Variants in FIGLA observed in about 807,000 individuals in gnomAD.
FIGLA encodes the protein factor in the germline alpha.
FIGLA carries 17 observed loss-of-function variants against 21.5 expected under a neutral mutation model. That is an observed-to-expected ratio of 0.79 (90% confidence interval 0.54 to 1.19). FIGLA has a LOEUF of 1.19. Ranked by LOEUF, FIGLA falls within the 50% of genes most tolerant of loss-of-function variation. FIGLA has a pLI of 0.00. For synonymous variants in FIGLA, 129 were observed against 117.6 expected, an observed-to-expected ratio of 1.10 and a Z score of -0.63; for missense variants, 282 against 285.0, an observed-to-expected ratio of 0.99 and a Z score of 0.08.
intron 3 of FIGLA, among the ~76,000 whole-genome samples, chr2:70,780,289 C>T (rs1206081991): frequency 1.3e-5 from 2 of 152,156 alleles, no homozygotes; most frequent in Non-Finnish European, 2.9e-5. Context: ...TTCCCTGGGT[C>T]CTCATCAAGG....
chr2:70,784,242 T>C lies in FIGLA; in HGVS notation c.609+1173A>G, dbSNP rs184080676. Among the ~76,000 whole-genome samples the C allele has an allele frequency of 3.7e-3, 569 of 151,990 alleles. 5 individuals are homozygous for C. The highest frequency in any genetic ancestry group is 3.7e-3 in the Non-Finnish European group (248 of 67,938). ...CCCCCACCAGCCAGCAGGAAGCCTG[T>C]AGGACCTCAAATCAGAGCACAACAT... On this transcript the variant is annotated intron_variant, in intron 3 of 4. Transcript: ENST00000332372.
chr2:70,783,082 GA>G (rs1675886313), intron 3 of FIGLA, among the ~76,000 whole-genome samples: 1 of 150,330 alleles, frequency 6.7e-6, no homozygotes, highest in Non-Finnish European at 1.5e-5. Context: ...AAAATGATTT[GA>G]ATGTGAAAGG....
Position 70,790,197 on chromosome 2 carries a change from A to G in FIGLA, c.231+211T>C, listed in dbSNP as rs71414837. Among the ~76,000 whole-genome samples the G allele has an allele frequency of 0.32, 48,609 of 150,544 alleles. 8,276 individuals carry two copies. Among genetic ancestry groups the G allele is most frequent in the East Asian group, 0.62 (3,165 of 5,064 alleles). On this transcript the variant is annotated intron_variant, in intron 1 of 4. Transcript: ENST00000332372. Reference sequence around the variant, plus strand: ...TGGAGGGTTAGCGGGCGAGGCGGCCACCGCAGCGGCCGCCAACGAGCAGCT... The same window carrying G: ...TGGAGGGTTAGCGGGCGAGGCGGCCGCCGCAGCGGCCGCCAACGAGCAGCT...
chr2:70,777,613 G>T, intron 4 of FIGLA, 24 bp downstream of exon 4: 1 of 1,600,546 alleles, frequency 6.2e-7, no homozygotes, highest in Non-Finnish European at 8.5e-7. Context: ...TTGGCACTAT[G>T]CATCAGGTTA....
At chr2:70,777,453 A>T in intron 4 of FIGLA, 71 bp from the exon 5 acceptor site, 1 of 1,353,796 alleles carries the variant, frequency 7.4e-7, no homozygotes, top group Non-Finnish European at 1.0e-6. Flanking sequence ...ATAAAGAAAT[A>T]TGCAAAAAAT....
Position 70,790,557 on chromosome 2 carries a change from C to T in FIGLA, c.82G>A (p.Asp28Asn), listed in dbSNP as rs1553390770. 134 of 1,524,194 alleles carry T rather than the reference C, an allele frequency of 8.8e-5. No individual in the cohort carries two copies. The highest frequency in any genetic ancestry group is 1.1e-4 in the Non-Finnish European group (131 of 1,141,360). 94.4% of individuals were successfully genotyped at this position (1,524,194 alleles called of 1,614,324 possible). A position where few individuals can be genotyped will look rare whatever the true frequency, so the allele number is the denominator to read the frequency against. The change falls in exon 1 of 5, where the codon GAC becomes AAC. Residue 28 changes from aspartate to asparagine, a missense_variant. By Grantham distance (23) the Asp-to-Asn change is conservative. Transcript: ENST00000332372. ...GGCCCGAACTGCTCCCGCAACACGT[C>T]CTCCAGCACCTCGGCTTGCGGGGTG... ...LGTPQAEVLE[D>N]VLREQFGPLP...
At chr2:70,782,955 G>C (rs782506161) in intron 3 of FIGLA, among the ~76,000 whole-genome samples, 9 of 151,840 alleles carry the variant, frequency 5.9e-5, no homozygotes. Flanking sequence ...CTACTCGGGA[G>C]GCTGAGGCAG....
At position 70,787,687 on chromosome 2, in the gene FIGLA, C is replaced by T. The variant is rs919463905; in HGVS notation, c.346G>A (p.Val116Ile). 2.9e-5 allele frequency: 46 copies of T among 1,593,288 alleles called. No homozygotes were observed. The Admixed American group carries it at 6.3e-4, about 22-fold the overall frequency. The stretch of plus-strand genomic sequence containing the variant: ...GCTCCTTCCAAAAGATCACTGAGAA[C>T]CTGTATATATTCAGTCGCACCTTTA... ...ILKGATEYIQVLSDLLEGAKD... is the reference protein window; with the variant it reads ...ILKGATEYIQILSDLLEGAKD... Residue 116 changes from valine to isoleucine, a missense_variant, in exon 2 of 5, where the codon GTT becomes ATT. Val to Ile is a conservative substitution (Grantham distance 29). Coordinates refer to ENST00000332372, the MANE Select transcript of FIGLA (RefSeq NM_001004311.3).
chr2:70,790,018 C>T (rs1411139636), intron 1 of FIGLA, among the ~76,000 whole-genome samples: 2 of 152,184 alleles, frequency 1.3e-5, no homozygotes, highest in African/African-American at 4.8e-5. Context: ...AAGGGGATCC[C>T]TGCGCGTCCC....
rs1553390718 is a variant in FIGLA, at chr2:70,790,475, G to T, written c.164C>A (p.Ser55Ter). The T allele has an allele frequency of 6.5e-7, 1 of 1,545,048 alleles. No homozygotes were observed. Among genetic ancestry groups the T allele is most frequent in the Non-Finnish European group, 8.7e-7 (1 of 1,146,292 alleles). The change falls in exon 1 of 5, where the codon TCG becomes TAG. Residue 55 changes from serine to a stop codon, truncating the protein, a stop_gained. Transcript: ENST00000332372. LOFTEE classifies it high-confidence loss of function. ...RLKRLPSGGY[S>*]STENLQLVLE... ...CACCAACTGGAGGTTTTCAGTGGACGAGTAGCCGCCCGAGGGCAGCCGCTT... is the reference window on the plus strand; with the variant it reads ...CACCAACTGGAGGTTTTCAGTGGACTAGTAGCCGCCCGAGGGCAGCCGCTT...
rs1226959679 is a variant in FIGLA, at chr2:70,790,107, G to C, written c.231+301C>G. On this transcript the variant is annotated intron_variant, in intron 1 of 4. Coordinates refer to ENST00000332372, the MANE Select transcript of FIGLA (RefSeq NM_001004311.3). ...AGCTTTTAAAGCACCTGCCCAGGGA[G>C]ACATTTTTGAAGTTGTCAGGGCCCC... Among the ~76,000 whole-genome samples the C allele has an allele frequency of 2.6e-5, 4 of 152,192 alleles. No homozygotes were observed. In the South Asian group the frequency reaches 6.2e-4, roughly 24 times the overall value.
At position 70,785,531 on chromosome 2, in the gene FIGLA, C is replaced by G; in HGVS notation, c.493G>C (p.Gly165Arg). 6.2e-7 allele frequency: 1 copy of G among 1,613,956 alleles called. No homozygotes were observed. The highest frequency in any genetic ancestry group is 1.7e-5 in the Admixed American group (1 of 60,024). Reference sequence around the variant, plus strand: ...GGCCCTTCCTCTTCATTCTTCAAGCCGAAAGCACAGCTGATATGTTGGGTG... The same window carrying G: ...GGCCCTTCCTCTTCATTCTTCAAGCGGAAAGCACAGCTGATATGTTGGGTG... The part of the protein sequence containing the change: ...NITQHISCAF[G>R]LKNEEEGPWA... The change falls in exon 3 of 5, where the codon GGC (glycine) becomes CGC (arginine). Residue 165 changes from glycine (G) to arginine (R), a missense_variant. By Grantham distance (125) the Gly-to-Arg change is moderately radical. Coordinates refer to ENST00000332372, the MANE Select transcript of FIGLA (RefSeq NM_001004311.3).
chr2:70,784,052 T>TTCTG (rs1444667019), intron 3 of FIGLA, among the ~76,000 whole-genome samples: 1 of 152,134 alleles, frequency 6.6e-6, no homozygotes. Flanking sequence ...GCAACAGGAA[T>TTCTG]TCTGTCTCCT....
intron 3 of FIGLA, among the ~76,000 whole-genome samples, chr2:70,783,155 T>C (rs1553389359): frequency 6.6e-6 from 1 of 152,138 alleles, no homozygotes; most frequent in African/African-American, 2.4e-5. Context: ...AATGGCACTC[T>C]TTACAATCAG....
intron 1 of FIGLA, among the ~76,000 whole-genome samples, chr2:70,788,353 A>C (rs1553390352): frequency 6.6e-6 from 1 of 151,582 alleles, no homozygotes; most frequent in Non-Finnish European, 1.5e-5. Flanking sequence ...TTGTCAACTC[A>C]AGCACTGAGC....
chr2:70,788,326 A>T (rs1675993944), intron 1 of FIGLA, among the ~76,000 whole-genome samples: 1 of 150,680 alleles, frequency 6.6e-6, no homozygotes, highest in Admixed American at 6.6e-5. Flanking sequence ...CTGGTGATGA[A>T]TCAAATGTAC....
At chr2:70,787,317 CT>C (rs1310991988) in intron 2 of FIGLA, among the ~76,000 whole-genome samples, 1 of 152,144 alleles carries the variant, frequency 6.6e-6, no homozygotes, top group East Asian at 1.9e-4. Flanking sequence ...GGAAAGCCCC[CT>C]CCTATGTCCA....
chr2:70,790,328 C>G (rs1413339530), intron 1 of FIGLA, 80 bp downstream of exon 1: 118 of 1,379,274 alleles, frequency 8.6e-5, no homozygotes, highest in Non-Finnish European at 1.1e-4. Flanking sequence ...GGGCGGTGAG[C>G]GGACCCCCGG....
intron 1 of FIGLA, among the ~76,000 whole-genome samples, chr2:70,789,420 T>A (rs1182054171): frequency 8.5e-5 from 13 of 152,146 alleles, no homozygotes; most frequent in African/African-American, 3.1e-4. Context: ...AATCTCTTTG[T>A]AGGGCCACCG....
Sources: allele counts gnomAD v4.1 joint callset (sites outside exome capture counted in the v4.1 genomes callset), GRCh38; gene constraint gnomAD v4.1.1; transcripts MANE v1.5; gene names NCBI Gene and HGNC (gene_info 2026-07-23, HGNC 2026-07-21).